The following RHOJ variants were observed in gnomAD, a reference collection of about 807,000 sequenced individuals.
RHOJ encodes ras homolog family member J, also known as rho-related GTP-binding protein RhoJ.
In RHOJ, 11 loss-of-function variants were observed where a neutral mutation model predicts 23.4. That is an observed-to-expected ratio of 0.47 (90% CI 0.30 to 0.78). The LOEUF (loss-of-function observed/expected upper bound fraction) is 0.78. RHOJ is among the 30% of genes least tolerant of loss of function. The probability of loss-of-function intolerance (pLI) is 0.08; values close to 1 mark genes in which losing one functional copy is unlikely to be tolerated. For missense variants in RHOJ, 254 were observed against 273.4 expected, an observed-to-expected ratio of 0.93 and a Z score of 0.50; for synonymous variants, 102 against 102.7, an observed-to-expected ratio of 0.99 and a Z score of 0.04.
intron 1 of RHOJ, among the ~76,000 whole-genome samples, chr14:63,243,573 C>T (rs1894922693): frequency 6.6e-6 from 1 of 152,124 alleles, no homozygotes; most frequent in Non-Finnish European, 1.5e-5. Context: ...CTCCTGACCT[C>T]AGGTGATCCA....
At chr14:63,290,153 G>A (rs1203761165) in intron 4 of RHOJ, among the ~76,000 whole-genome samples, 1 of 152,198 alleles carries the variant, frequency 6.6e-6, no homozygotes, top group Non-Finnish European at 1.5e-5. Context: ...TGAGGCAGGA[G>A]AATCACTTGA....
rs74245169 is a variant in RHOJ at position 63,226,094 on chromosome 14, A to G, written c.178+21047A>G. On this transcript the variant is annotated intron_variant, in intron 1 of 4. Coordinates refer to ENST00000316754, the MANE Select transcript of RHOJ (RefSeq NM_020663.5). Reference sequence around the variant, plus strand: ...AATTCACCTCTTTATATAATAATCAATTTTTGAAAGAAACTAGTATTGCAC... The same window carrying G: ...AATTCACCTCTTTATATAATAATCAGTTTTTGAAAGAAACTAGTATTGCAC... Among the ~76,000 whole-genome samples the G allele has an allele frequency of 4.0e-3, 604 of 152,282 alleles. 13 individuals are homozygous for G. In the East Asian group the frequency reaches 0.054, roughly 14 times the overall value.
chr14:63,291,111 C>A lies in RHOJ; in HGVS notation c.*87C>A, dbSNP rs141063012. On this transcript the variant is annotated 3_prime_UTR_variant, in exon 5 of 5. Coordinates refer to ENST00000316754, the MANE Select transcript of RHOJ (RefSeq NM_020663.5). Reference sequence around the variant, plus strand: ...CAAGCTCCAGCCAAAAAGGAGGGCACGACCAGAAAGGAACTCCCTTTGCAC... The same window carrying A: ...CAAGCTCCAGCCAAAAAGGAGGGCAAGACCAGAAAGGAACTCCCTTTGCAC... 16 of 1,501,488 alleles carry A rather than the reference C, an allele frequency of 1.1e-5. No individual in the cohort carries two copies. Among genetic ancestry groups the A allele is most frequent in the South Asian group, 9.0e-5 (8 of 88,478 alleles). The allele number at this position is 1,501,488 out of a possible 1,614,324, so 93.0% of individuals were successfully genotyped here.
chr14:63,279,565 G>A (rs774422366), intron 2 of RHOJ, among the ~76,000 whole-genome samples: 10 of 152,252 alleles, frequency 6.6e-5, no homozygotes, highest in Admixed American at 3.3e-4. Context: ...TCCCAAAGTC[G>A]AAATGATGCG....
chr14:63,222,597 G>T (rs551783504), intron 1 of RHOJ, among the ~76,000 whole-genome samples: 3 of 152,184 alleles, frequency 2.0e-5, no homozygotes, highest in Non-Finnish European at 2.9e-5. Context: ...ATTTTTTCAT[G>T]TGTCTGTTGG....
chr14:63,287,527 T>C (rs1882118121), intron 4 of RHOJ, among the ~76,000 whole-genome samples: 1 of 152,140 alleles, frequency 6.6e-6, no homozygotes, highest in African/African-American at 2.4e-5. Context: ...TCTTATTCTA[T>C]AACTTGTCCT....
In RHOJ at chr14:63,293,427, A is replaced by T. The variant is rs962663779; in HGVS notation, c.*2403A>T. On this transcript the variant is annotated 3_prime_UTR_variant, in exon 5 of 5. Transcript: ENST00000316754. ...TCACCCAGAACCAGCAACTGGATAG[A>T]GACTGTTGTTAGTGTCTGGGTAGAG... Among the ~76,000 whole-genome samples, 1 of 152,218 alleles carries T rather than the reference A, an allele frequency of 6.6e-6. No homozygotes were observed. The highest frequency in any genetic ancestry group is 2.4e-5 in the African/African-American group (1 of 41,450).
At chr14:63,279,932 T>A (rs1881845890) in intron 2 of RHOJ, among the ~76,000 whole-genome samples, 1 of 152,230 alleles carries the variant, frequency 6.6e-6, no homozygotes, top group South Asian at 2.1e-4. Context: ...ATATAGTATA[T>A]TCAATATAAC....
intron 1 of RHOJ, among the ~76,000 whole-genome samples, chr14:63,235,042 G>A (rs984188138): frequency 1.3e-5 from 2 of 151,744 alleles, no homozygotes; most frequent in Non-Finnish European, 2.9e-5. Flanking sequence ...AAATCTCCTC[G>A]GGTTTCTATG....
At chr14:63,231,337 A>G (rs1894691730) in intron 1 of RHOJ, among the ~76,000 whole-genome samples, 1 of 152,232 alleles carries the variant, frequency 6.6e-6, no homozygotes, top group African/African-American at 2.4e-5. Flanking sequence ...AACATTTACC[A>G]GTTCCATAAT....
chr14:63,214,791 G>A (rs72712550), intron 1 of RHOJ, among the ~76,000 whole-genome samples: 23,863 of 152,036 alleles, frequency 0.16, 2,559 homozygotes, highest in African/African-American at 0.31. Flanking sequence ...GCCATGGGTA[G>A]CCAAGTACCA....
At chr14:63,265,716 T>C (rs1189031814) in intron 1 of RHOJ, among the ~76,000 whole-genome samples, 1 of 152,148 alleles carries the variant, frequency 6.6e-6, no homozygotes, top group African/African-American at 2.4e-5. Context: ...ATTTTATGCA[T>C]TTTAGGGGGG....
intron 1 of RHOJ, among the ~76,000 whole-genome samples, chr14:63,244,130 G>A (rs1032467837): frequency 2.6e-5 from 4 of 152,172 alleles, no homozygotes; most frequent in African/African-American, 9.7e-5. Context: ...CGACTTCATA[G>A]ATTTGTTGGG....
At position 63,290,890 on chromosome 14, in the gene RHOJ, T is replaced by C; in HGVS notation, c.511T>C (p.Cys171Arg). ...TTTTGTGTTTAAGATCGGAGCACAG[T>C]GCTACTTGGAATGTTCAGCTCTGAC... is the stretch of plus-strand genomic sequence containing the variant. ...VKLAKAIGAQCYLECSALTQK... is the reference protein window; with the variant it reads ...VKLAKAIGAQRYLECSALTQK... The change falls in exon 5 of 5, where the codon TGC (cysteine) becomes CGC (arginine). Residue 171 changes from cysteine (C) to arginine (R), a missense_variant. Transcript: ENST00000316754. 3.1e-6 allele frequency: 5 copies of C among 1,613,140 alleles called. No homozygotes were observed. The highest frequency in any genetic ancestry group is 4.2e-6 in the Non-Finnish European group (5 of 1,179,596).
At chr14:63,263,216 G>A (rs921529084) in intron 1 of RHOJ, among the ~76,000 whole-genome samples, 1 of 152,162 alleles carries the variant, frequency 6.6e-6, no homozygotes, top group African/African-American at 2.4e-5. Context: ...GATAGGATTC[G>A]AATACAGAAC....
At chr14:63,280,883 A>T in intron 2 of RHOJ, 88 bp from the exon 3 acceptor site, 1 of 1,273,946 alleles carries the variant, frequency 7.8e-7, no homozygotes, top group Non-Finnish European at 1.1e-6. Context: ...AGTGCGCTGT[A>T]GTGGACTCTT....
chr14:63,216,948 C>T (rs1464546203), intron 1 of RHOJ, among the ~76,000 whole-genome samples: 1 of 138,624 alleles, frequency 7.2e-6, no homozygotes, highest in African/African-American at 3.2e-5. Flanking sequence ...CATTATTATC[C>T]TCAGAATAAT....
chr14:63,280,052 C>T (rs935747016), intron 2 of RHOJ, among the ~76,000 whole-genome samples: 1 of 152,096 alleles, frequency 6.6e-6, no homozygotes, highest in African/African-American at 2.4e-5. Flanking sequence ...GAGACAGGGT[C>T]TTGCTGTGTT....
At position 63,290,815 on chromosome 14, in the gene RHOJ, T is replaced by C. The variant is rs1055623769; in HGVS notation, c.499-63T>C. On this transcript the variant is annotated intron_variant, in intron 4 of 4. Coordinates refer to ENST00000316754, the MANE Select transcript of RHOJ (RefSeq NM_020663.5). ...AGTAAGTGCTTGTCTGGGCAGTGAG[T>C]TGATACCACTGTGCTTTTCTCTCTT... 5 of 1,523,820 alleles carry C rather than the reference T, an allele frequency of 3.3e-6. No individual in the cohort carries two copies. The African/African-American group carries it at 4.2e-5, about 13-fold the overall frequency. The allele number at this position is 1,523,820 out of a possible 1,614,324, so 94.4% of individuals were successfully genotyped here. A position where few individuals can be genotyped will look rare whatever the true frequency, so the allele number is the denominator to read the frequency against.
Sources: gnomAD v4.1 joint callset for allele counts (sites outside exome capture counted in the v4.1 genomes callset) on GRCh38, gnomAD v4.1.1 for gene constraint, MANE v1.5 for transcripts, NCBI Gene and HGNC (gene_info 2026-07-23, HGNC 2026-07-21) for gene names.